Variants in MILR1 observed in about 807,000 individuals in gnomAD.
MILR1 encodes the protein allergin-1.
Under a neutral mutation model 18.5 loss-of-function variants are expected in MILR1, and 31 were observed. That is an observed-to-expected ratio of 1.68 (90% CI 1.26 to 2.26). MILR1 has a LOEUF of 2.26. Ranked by LOEUF, MILR1 falls within the 30% of genes most tolerant of loss-of-function variation. The pLI is 0.00. For synonymous variants in MILR1, 85 were observed against 56.2 expected (o/e 1.51, Z -2.30); for missense variants, 257 against 157.4 (o/e 1.63, Z -3.38).
At chr17:64,464,663 G>A (rs150326393) in intron 5 of MILR1, among the ~76,000 whole-genome samples, 419 of 152,244 alleles carry the variant, frequency 2.8e-3, no homozygotes, top group African/African-American at 9.7e-3. Context: ...GAGGCTGGCC[G>A]GGCACAGTGG....
In MILR1 at chr17:64,460,828, AC is replaced by A. The variant is rs2037414891; in HGVS notation, c.660del (p.Asp220GlufsTer7). ...GGATGCGGTCTTCTTCCAGGCGGAG[AC>A]AGCTGTCCTTTCTGTCTGAAGCTAC... is the stretch of plus-strand genomic sequence containing the variant. The part of the protein sequence containing the change: ...HPVTMPSTGG[D>X]SCPFCLKLLL... On this transcript the variant is annotated frameshift_variant, in exon 5 of 10. Coordinates refer to ENST00000619286, the MANE Select transcript of MILR1 (RefSeq NM_001085423.2). LOFTEE classifies it high-confidence loss of function. 6.3e-6 allele frequency: 3 copies of A among 475,026 alleles called. No individual in the cohort carries two copies. Among genetic ancestry groups the A allele is most frequent in the Non-Finnish European group, 1.2e-5 (3 of 258,838 alleles). 29.4% of individuals were successfully genotyped at this position (475,026 alleles called of 1,614,324 possible).
chr17:64,490,932 C>T, the MILR1 span: 2 of 1,613,958 alleles, frequency 1.2e-6, no homozygotes, highest in East Asian at 4.5e-5. Flanking sequence ...TTCATCCTGA[C>T]AGTCACTGCT....
At chr17:64,456,202 C>T (rs2037297301) in intron 3 of MILR1, among the ~76,000 whole-genome samples, 1 of 152,118 alleles carries the variant, frequency 6.6e-6, no homozygotes, top group African/African-American at 2.4e-5. Context: ...ATACTATCCA[C>T]ACTACAAGAC....
the MILR1 span, chr17:64,497,112 A>C: frequency 3.6e-6 from 3 of 830,422 alleles, no homozygotes; most frequent in Non-Finnish European, 5.9e-6. Context: ...CCACCCCGGA[A>C]GCGCATGTCT....
chr17:64,475,060 G>T, the MILR1 span, among the ~76,000 whole-genome samples: 1 of 151,844 alleles, frequency 6.6e-6, no homozygotes, highest in Non-Finnish European at 1.5e-5. Flanking sequence ...GTGGTAGCAG[G>T]CGCCTGTAAT....
chr17:64,486,542 T>G, the MILR1 span, among the ~76,000 whole-genome samples: 2 of 152,058 alleles, frequency 1.3e-5, no homozygotes, highest in Non-Finnish European at 2.9e-5. Flanking sequence ...TTTTCTATTT[T>G]TAGTAGGGAC....
chr17:64,460,827 G>T lies in MILR1; in HGVS notation c.658G>T (p.Asp220Tyr). ...TGGATGCGGTCTTCTTCCAGGCGGA[G>T]ACAGCTGTCCTTTCTGTCTGAAGCT... Reference protein sequence around the residue: ...HPVTMPSTGGDSCPFCLKLLL... With the variant: ...HPVTMPSTGGYSCPFCLKLLL... The change falls in exon 5 of 10, where the codon GAC becomes TAC. Residue 220 changes from aspartate (D) to tyrosine (Y), a missense_variant. Asp to Tyr is a radical substitution (Grantham distance 160). Transcript: ENST00000619286. The T allele has an allele frequency of 2.1e-6, 1 of 475,136 alleles. No homozygotes were observed. Among genetic ancestry groups the T allele is most frequent in the South Asian group, 6.7e-5 (1 of 14,858 alleles). 29.4% of individuals were successfully genotyped at this position (475,136 alleles called of 1,614,324 possible). A position where few individuals can be genotyped will look rare whatever the true frequency, so the allele number is the denominator to read the frequency against.
intron 3 of MILR1, 97 bp from the exon 4 acceptor site, chr17:64,457,303 A>G: frequency 2.4e-6 from 1 of 412,958 alleles, no homozygotes; most frequent in Non-Finnish European, 4.4e-6. Flanking sequence ...TCTTGGTTCC[A>G]CAGCCTGGAG....
At chr17:64,496,974 T>C in the MILR1 span, 7 of 1,602,806 alleles carry the variant, frequency 4.4e-6, no homozygotes, top group South Asian at 2.2e-5. Context: ...CGCATCTCTC[T>C]CCGAAGTTAA....
the MILR1 span, chr17:64,490,614 G>A: frequency 8.1e-6 from 5 of 618,934 alleles, no homozygotes; most frequent in Non-Finnish European, 1.4e-5. Flanking sequence ...GGCAATAGTG[G>A]ATTACTGTTA....
intron 5 of MILR1, among the ~76,000 whole-genome samples, chr17:64,464,955 G>T (rs2037518188): frequency 1.3e-5 from 2 of 151,788 alleles, no homozygotes; most frequent in African/African-American, 4.8e-5. Flanking sequence ...GGGCATGGTG[G>T]TGCACAACTG....
rs1555663296 is a variant in MILR1, at chr17:64,466,580, T to C, written c.911-14T>C. 1 of 1,611,134 alleles carries C rather than the reference T, an allele frequency of 6.2e-7. No homozygotes were observed. Among genetic ancestry groups the C allele is most frequent in the African/African-American group, 1.3e-5 (1 of 74,984 alleles). ...AATTGGCCCAATAATTCCTATTCCT[T>C]ATCTTTTGCCCAGAGGCCAAACACT... On this transcript the variant is annotated splice_polypyrimidine_tract_variant and intron_variant, in intron 7 of 9. Transcript: ENST00000619286.
the MILR1 span, chr17:64,497,085 C>A: frequency 9.0e-7 from 1 of 1,106,854 alleles, no homozygotes. Flanking sequence ...GGTGAGCGTG[C>A]TTGCGGGCGG....
chr17:64,464,580 TA>T (rs151278354), intron 5 of MILR1, among the ~76,000 whole-genome samples: 10,744 of 152,008 alleles, frequency 0.071, 600 homozygotes, highest in African/African-American at 0.16. Context: ...CTCCTTCTTA[TA>T]AAAAGTCCAG....
At chr17:64,457,758 C>T (rs1449347541) in intron 4 of MILR1, 74 bp downstream of exon 4, 2 of 463,744 alleles carry the variant, frequency 4.3e-6, no homozygotes, top group African/African-American at 4.0e-5. Flanking sequence ...TCTGCCCACC[C>T]ATTTCCCACC....
At chr17:64,459,732 C>T (rs2037380670) in intron 4 of MILR1, among the ~76,000 whole-genome samples, 1 of 152,174 alleles carries the variant, frequency 6.6e-6, no homozygotes, top group Admixed American at 6.5e-5. Flanking sequence ...TAAGGCAACA[C>T]AGGTGAAGTG....
chr17:64,450,773 C>A (rs2037152327), intron 2 of MILR1, among the ~76,000 whole-genome samples: 2 of 152,086 alleles, frequency 1.3e-5, no homozygotes, highest in African/African-American at 4.8e-5. Context: ...TGAGCTACCA[C>A]ACCAGCCTTA....
Position 64,468,595 on chromosome 17 carries a change from C to T in MILR1, c.*314C>T, listed in dbSNP as rs1004532617. 18 of 1,145,866 alleles carry T rather than the reference C, an allele frequency of 1.6e-5. No homozygotes were observed. Among genetic ancestry groups the T allele is most frequent in the Middle Eastern group, 4.0e-4 (1 of 2,470 alleles). The allele number at this position is 1,145,866 out of a possible 1,614,324, so 71.0% of individuals were successfully genotyped here. ...TGAGCCACCGTGCCCGGCCCTGAAT[C>T]GCTTTAGTAAATAAAGGGTCTCCAA... On this transcript the variant is annotated 3_prime_UTR_variant, in exon 10 of 10. Coordinates refer to ENST00000619286, the MANE Select transcript of MILR1 (RefSeq NM_001085423.2).
chr17:64,495,730 C>A, the MILR1 span, among the ~76,000 whole-genome samples: 2 of 151,256 alleles, frequency 1.3e-5, no homozygotes, highest in Admixed American at 1.3e-4. Context: ...TTTTTTAAGA[C>A]GGAGTTTTGC....
Sources: allele counts gnomAD v4.1 joint callset (sites outside exome capture counted in the v4.1 genomes callset), GRCh38; gene constraint gnomAD v4.1.1; transcripts MANE v1.5; gene names NCBI Gene and HGNC (gene_info 2026-07-23, HGNC 2026-07-21).